The following KAZN variants were observed in gnomAD, a reference collection of about 807,000 sequenced individuals.
KAZN encodes the protein kazrin.
Under a neutral mutation model 87.4 loss-of-function variants are expected in KAZN, and 40 were observed. The observed-to-expected ratio is 0.46, with a 90% CI of 0.36 to 0.60. The LOEUF is 0.60. KAZN is among the 20% of genes least tolerant of loss of function. KAZN has a pLI of 0.00. For missense variants in KAZN, 898 were observed against 1,073.9 expected (o/e 0.84, Z 2.29); for synonymous variants, 466 against 458.3 (o/e 1.02, Z -0.22).
rs12022936 is a variant in KAZN at position 14,117,092 on chromosome 1, C to T, written c.92-63343C>T. Among the ~76,000 whole-genome samples, 103 of 152,206 alleles carry T rather than the reference C, an allele frequency of 6.8e-4. 2 individuals carry two copies. The East Asian group carries it at 0.018, about 27-fold the overall frequency. ...ACTTGCCTTGTCTTGGATGAGACTT[C>T]GGACTGTGGATTTTTAGTTAATGCT... On this transcript the variant is annotated intron_variant, in intron 1 of 16. Transcript: ENST00000636203.
chr1:14,788,515 G>A (rs1470592925), intron 1 of KAZN, among the ~76,000 whole-genome samples: 1 of 152,102 alleles, frequency 6.6e-6, no homozygotes. Flanking sequence ...CAGCACAAAG[G>A]CTTATAAGGT....
At chr1:13,977,276 AGTTCTGTGACT>A in intron 1 of KAZN, among the ~76,000 whole-genome samples, 1 of 152,368 alleles carries the variant, frequency 6.6e-6, no homozygotes, top group African/African-American at 2.4e-5. Flanking sequence ...AATAAAACTC[AGTTCTGTGACT>A]TCAGTGGTTT....
At chr1:14,470,799 C>A (rs907762650) in intron 2 of KAZN, among the ~76,000 whole-genome samples, 1 of 152,172 alleles carries the variant, frequency 6.6e-6, no homozygotes, top group Admixed American at 6.5e-5. Context: ...TCCCCAAGAC[C>A]CCTGCTCCCA....
At chr1:14,921,438 T>G (rs188066584) in intron 1 of KAZN, among the ~76,000 whole-genome samples, 8 of 152,310 alleles carry the variant, frequency 5.3e-5, no homozygotes, top group Admixed American at 4.6e-4. Flanking sequence ...CCTTCTTAAG[T>G]TTTAAAGAGT....
chr1:14,455,290 T>C (rs1667505393), intron 2 of KAZN, among the ~76,000 whole-genome samples: 1 of 152,216 alleles, frequency 6.6e-6, no homozygotes, highest in Non-Finnish European at 1.5e-5. Context: ...TCTCTATTTG[T>C]TTCTGATTTA....
intron 1 of KAZN, among the ~76,000 whole-genome samples, chr1:14,803,954 C>A (rs1646122946): frequency 6.6e-6 from 1 of 152,226 alleles, no homozygotes; most frequent in South Asian, 2.1e-4. Flanking sequence ...CACCCCAGCA[C>A]CCAGAAAGAT....
chr1:14,767,534 C>T (rs1644916717), intron 1 of KAZN, among the ~76,000 whole-genome samples: 1 of 152,172 alleles, frequency 6.6e-6, no homozygotes, highest in Admixed American at 6.5e-5. Flanking sequence ...ATTGGAAGAA[C>T]TCAATAAAGT....
At chr1:14,884,602 A>G (rs1489993402) in intron 1 of KAZN, among the ~76,000 whole-genome samples, 1 of 152,236 alleles carries the variant, frequency 6.6e-6, no homozygotes, top group Non-Finnish European at 1.5e-5. Flanking sequence ...GCATTTTCGA[A>G]GGTCGTTTAG....
At chr1:14,218,636 A>G (rs1334862087) in intron 2 of KAZN, among the ~76,000 whole-genome samples, 3 of 152,040 alleles carry the variant, frequency 2.0e-5, no homozygotes, top group Non-Finnish European at 4.4e-5. Flanking sequence ...ACTGAAGCTC[A>G]ATAAATATGT....
chr1:14,204,681 A>T (rs954193151), intron 2 of KAZN, among the ~76,000 whole-genome samples: 30 of 152,346 alleles, frequency 2.0e-4, no homozygotes, highest in African/African-American at 7.0e-4. Context: ...TTCTGGGATT[A>T]AAAAAACCTT....
chr1:14,840,131 G>A (rs373337240), intron 1 of KAZN, among the ~76,000 whole-genome samples: 100 of 152,100 alleles, frequency 6.6e-4, no homozygotes, highest in African/African-American at 2.3e-3. Context: ...TTCAGACCAC[G>A]AATCCCTTTT....
chr1:14,967,082 G>C (rs1414828169), intron 2 of KAZN, among the ~76,000 whole-genome samples: 2 of 152,168 alleles, frequency 1.3e-5, no homozygotes, highest in Non-Finnish European at 2.9e-5. Context: ...GCAGATGATG[G>C]GCGATGGTCA....
intron 1 of KAZN, among the ~76,000 whole-genome samples, chr1:14,673,303 G>T (rs1340248060): frequency 6.6e-6 from 1 of 152,182 alleles, no homozygotes. Flanking sequence ...GGCCCTGGAT[G>T]GACACATAAC....
intron 1 of KAZN, among the ~76,000 whole-genome samples, chr1:14,044,027 A>G (rs1267003142): frequency 6.6e-6 from 1 of 152,196 alleles, no homozygotes; most frequent in African/African-American, 2.4e-5. Context: ...GGCTAGGTCT[A>G]AAGTCAACTG....
intron 2 of KAZN, among the ~76,000 whole-genome samples, chr1:14,405,453 C>T (rs968104857): frequency 6.6e-6 from 1 of 152,030 alleles, no homozygotes; most frequent in Admixed American, 6.6e-5. Flanking sequence ...AGTAGTTTTG[C>T]GTTGTGTTGG....
At chr1:14,361,077 G>C (rs929818131) in intron 2 of KAZN, among the ~76,000 whole-genome samples, 1 of 152,224 alleles carries the variant, frequency 6.6e-6, no homozygotes, top group South Asian at 2.1e-4. Context: ...GGAGATGGGA[G>C]TTTTATCTAT....
chr1:13,911,446 C>T (rs1190462359), intron 1 of KAZN, among the ~76,000 whole-genome samples: 1 of 152,152 alleles, frequency 6.6e-6, no homozygotes, highest in Non-Finnish European at 1.5e-5. Flanking sequence ...TCCCCATGAC[C>T]CAAACACCTC....
At chr1:14,977,317 C>G (rs1333662015) in intron 2 of KAZN, among the ~76,000 whole-genome samples, 2 of 152,184 alleles carry the variant, frequency 1.3e-5, no homozygotes, top group Non-Finnish European at 2.9e-5. Flanking sequence ...TGGCCAGGAC[C>G]TCAGGATGGC....
intron 1 of KAZN, among the ~76,000 whole-genome samples, chr1:14,681,653 ATATATTTTTTTTTTTTTTTTTTTTTTT>A: frequency 2.3e-4 from 2 of 8,586 alleles, no homozygotes; most frequent in African/African-American, 6.5e-4. Flanking sequence ...ATATATATAT[ATATATTTTTTTTTTTTTTTTTTTTTTT>A]TTTTTTTTTT....
Sources: gnomAD v4.1 joint callset for allele counts (sites outside exome capture counted in the v4.1 genomes callset) on GRCh38, gnomAD v4.1.1 for gene constraint, MANE v1.5 for transcripts, NCBI Gene and HGNC (gene_info 2026-07-23, HGNC 2026-07-21) for gene names.